Variants in ERBB4 observed in about 807,000 individuals in gnomAD.
ERBB4 encodes the protein erb-b2 receptor tyrosine kinase 4.
ERBB4 carries 42 observed loss-of-function variants against 158.0 expected under a neutral mutation model. That is an observed-to-expected ratio of 0.27 (90% confidence interval 0.21 to 0.34). The LOEUF (loss-of-function observed/expected upper bound fraction) is 0.34. Ranked by LOEUF, ERBB4 falls within the 10% of genes least tolerant of loss-of-function variation. The pLI, the probability that ERBB4 is intolerant of heterozygous loss-of-function variation, is 1.00. For missense variants in ERBB4, 1,333 were observed against 1,624.1 expected, an observed-to-expected ratio of 0.82 and a Z score of 3.08; for synonymous variants, 583 against 558.7, an observed-to-expected ratio of 1.04 and a Z score of -0.61.
intron 18 of ERBB4, among the ~76,000 whole-genome samples, 161 bp downstream of exon 18, chr2:211,623,761 T>C (rs2069726689): frequency 6.6e-6 from 1 of 152,236 alleles, no homozygotes; most frequent in Non-Finnish European, 1.5e-5. Flanking sequence ...CAATAAAAAT[T>C]AATGAATTCA....
chr2:211,905,689 T>G, intron 3 of ERBB4, among the ~76,000 whole-genome samples: 1 of 118,646 alleles, frequency 8.4e-6, no homozygotes, highest in East Asian at 2.5e-4. Context: ...TATACACACA[T>G]ATATGTGTGT....
chr2:212,529,778 T>C (rs1692650956), intron 1 of ERBB4, among the ~76,000 whole-genome samples: 1 of 152,200 alleles, frequency 6.6e-6, no homozygotes, highest in Admixed American at 6.5e-5. Flanking sequence ...TAAGGACTAC[T>C]GGCTAGAGTA....
rs137900655 is a variant in ERBB4, at chr2:211,581,957, C to T, written c.2302-19869G>A. 8.0e-3 allele frequency among the ~76,000 whole-genome samples: 1,211 copies of T among 152,134 alleles called. 20 individuals carry two copies. The highest frequency in any genetic ancestry group is 0.028 in the African/African-American group (1,151 of 41,502). On this transcript the variant is annotated intron_variant, in intron 19 of 27. Transcript: ENST00000342788. ...CCCAGGAGGCGGAGGTTGCAGTGAGCCAAGATCATGCCATTGTACTCCAGC... is the reference window on the plus strand; with the variant it reads ...CCCAGGAGGCGGAGGTTGCAGTGAGTCAAGATCATGCCATTGTACTCCAGC...
rs1470642849 is a variant in ERBB4, at chr2:211,626,903, C to A, written c.2080-2859G>T. ...TCGCGCCACTGCACTCCAGCCTGAG[C>A]GACAGAGCAAGACTCCATCTCAAAA... On this transcript the variant is annotated intron_variant, in intron 17 of 27. Coordinates refer to ENST00000342788, the MANE Select transcript of ERBB4 (RefSeq NM_005235.3). Among the ~76,000 whole-genome samples, 2 of 148,074 alleles carry A rather than the reference C, an allele frequency of 1.4e-5. 1 individual carries two copies. Among genetic ancestry groups the A allele is most frequent in the Middle Eastern group, 7.2e-3 (2 of 278 alleles).
intron 2 of ERBB4, among the ~76,000 whole-genome samples, chr2:211,979,858 T>C (rs2081739553): frequency 6.6e-6 from 1 of 152,168 alleles, no homozygotes; most frequent in Admixed American, 6.5e-5. Flanking sequence ...AATTGGAATA[T>C]TAGATGATTT....
At chr2:211,655,686 T>C (rs1267938378) in intron 16 of ERBB4, among the ~76,000 whole-genome samples, 2 of 152,218 alleles carry the variant, frequency 1.3e-5, no homozygotes, top group Admixed American at 6.5e-5. Context: ...TGCCAGGGTC[T>C]CAAGAAGGAA....
intron 20 of ERBB4, among the ~76,000 whole-genome samples, chr2:211,514,603 C>T (rs1211900636): frequency 2.0e-5 from 3 of 152,046 alleles, no homozygotes; most frequent in African/African-American, 7.2e-5. Flanking sequence ...CTCATATGTC[C>T]TAGGCTCTAC....
chr2:212,495,286 T>C (rs78275358), intron 1 of ERBB4, among the ~76,000 whole-genome samples: 2,188 of 152,286 alleles, frequency 0.014, 49 homozygotes, highest in African/African-American at 0.05. Flanking sequence ...CTCACCCATG[T>C]GCTTTTCCTC....
intron 5 of ERBB4, among the ~76,000 whole-genome samples, chr2:211,738,522 C>G (rs1000498641): frequency 2.0e-5 from 3 of 151,910 alleles, no homozygotes; most frequent in African/African-American, 7.2e-5. Context: ...GTGTCTCTGC[C>G]ACCACACTCA....
chr2:212,088,236 A>C (rs548532551), intron 2 of ERBB4, among the ~76,000 whole-genome samples: 1 of 152,262 alleles, frequency 6.6e-6, no homozygotes, highest in Admixed American at 6.6e-5. Flanking sequence ...TGTAGTCTTC[A>C]AACACTTTAA....
intron 1 of ERBB4, among the ~76,000 whole-genome samples, chr2:212,468,101 G>A (rs1367972262): frequency 1.3e-5 from 2 of 152,154 alleles, no homozygotes; most frequent in Non-Finnish European, 2.9e-5. Flanking sequence ...TACCCCCATT[G>A]TATCTAGGAA....
At chr2:212,310,992 G>A (rs2087020569) in intron 1 of ERBB4, among the ~76,000 whole-genome samples, 1 of 150,658 alleles carries the variant, frequency 6.6e-6, no homozygotes, top group South Asian at 2.1e-4. Context: ...GTAAAGCATA[G>A]CCTGTTTTGC....
chr2:212,119,019 T>G (rs1260664466), intron 2 of ERBB4, among the ~76,000 whole-genome samples: 1 of 151,986 alleles, frequency 6.6e-6, no homozygotes, highest in Non-Finnish European at 1.5e-5. Context: ...TTATTAGAAA[T>G]AAAAGACATG....
intron 1 of ERBB4, among the ~76,000 whole-genome samples, chr2:212,277,973 T>TAAAGGAAA (rs2085608280): frequency 6.6e-6 from 1 of 151,772 alleles, no homozygotes; most frequent in Non-Finnish European, 1.5e-5. Flanking sequence ...CAATGGCCTT[T>TAAAGGAAA]CTTCACTCCG....
At chr2:211,525,010 T>C (rs1299254888) in intron 20 of ERBB4, among the ~76,000 whole-genome samples, 1 of 152,194 alleles carries the variant, frequency 6.6e-6, no homozygotes, top group Non-Finnish European at 1.5e-5. Context: ...AGAGAAGACC[T>C]AGCCAAAGGA....
chr2:212,408,543 T>C (rs1409331928), intron 1 of ERBB4, among the ~76,000 whole-genome samples: 1 of 152,100 alleles, frequency 6.6e-6, no homozygotes, highest in Admixed American at 6.6e-5. Context: ...CTTGGGAGGC[T>C]GAGTCAGGAG....
At chr2:211,625,321 T>G (rs1307912335) in intron 17 of ERBB4, among the ~76,000 whole-genome samples, 1 of 152,150 alleles carries the variant, frequency 6.6e-6, no homozygotes, top group Non-Finnish European at 1.5e-5. Context: ...AAAATCTCTA[T>G]CTCCAAAGCT....
intron 1 of ERBB4, among the ~76,000 whole-genome samples, chr2:212,316,194 A>G (rs2087269873): frequency 6.6e-6 from 1 of 151,390 alleles, no homozygotes; most frequent in Non-Finnish European, 1.5e-5. Context: ...ATCCTCAAAA[A>G]CAATAACTAC....
rs561473961 is a variant in ERBB4 at position 211,597,582 on chromosome 2, T to C, written c.2301+21595A>G. On this transcript the variant is annotated intron_variant, in intron 19 of 27. Transcript: ENST00000342788. ...AATTGTTAATTCAAAGGAAGCTTAT[T>C]ATGGAATATGGTTAAATTCTCATTA... 3.1e-3 allele frequency among the ~76,000 whole-genome samples: 473 copies of C among 152,250 alleles called. 2 individuals are homozygous for C. Among genetic ancestry groups the C allele is most frequent in the Non-Finnish European group, 4.6e-3 (311 of 67,988 alleles).
Sources: allele counts gnomAD v4.1 joint callset (sites outside exome capture counted in the v4.1 genomes callset), GRCh38; gene constraint gnomAD v4.1.1; transcripts MANE v1.5; gene names NCBI Gene and HGNC (gene_info 2026-07-23, HGNC 2026-07-21).